The following KCNG3 variants were observed in gnomAD, a reference collection of about 807,000 sequenced individuals.
The protein encoded by KCNG3 is potassium voltage-gated channel modifier subfamily G member 3.
In KCNG3, 15 loss-of-function variants were observed where a neutral mutation model predicts 29.0. The observed-to-expected ratio is 0.52, with a 90% CI of 0.35 to 0.80. The LOEUF (loss-of-function observed/expected upper bound fraction) is 0.80, where lower values mean the gene tolerates loss of function less well. Among genes scored for constraint, KCNG3 ranks in the 30% least tolerant of loss-of-function variants. The pLI is 0.01. For missense variants in KCNG3, 512 were observed against 605.7 expected (o/e 0.85, Z 1.62); for synonymous variants, 322 against 248.9 (o/e 1.29, Z -2.76).
rs1672505154 is a variant in KCNG3, at chr2:42,442,384, C to T, written c.*1550G>A. On this transcript the variant is annotated 3_prime_UTR_variant, in exon 2 of 2. Coordinates refer to ENST00000306078, the MANE Select transcript of KCNG3 (RefSeq NM_133329.6). ...AACCCAGAGATGTGTGAAGATTAAC[C>T]TGCTGGGCTAGGTTTCTGGAGATCC... 1.3e-5 allele frequency: 2 copies of T among 152,192 alleles called. No individual in the cohort carries two copies. Among genetic ancestry groups the T allele is most frequent in the Non-Finnish European group, 2.9e-5 (2 of 68,040 alleles). 9.4% of individuals were successfully genotyped at this position (152,192 alleles called of 1,614,324 possible). A position where few individuals can be genotyped will look rare whatever the true frequency, so the allele number is the denominator to read the frequency against.
At position 42,451,967 on chromosome 2, in the gene KCNG3, T is replaced by A. The variant is rs538334144; in HGVS notation, c.666-7388A>T. Among the ~76,000 whole-genome samples the A allele has an allele frequency of 2.0e-5, 3 of 151,980 alleles. No homozygotes were observed. In the East Asian group the frequency reaches 5.8e-4, roughly 29 times the overall value. ...AAGAGTGAAAGGGCAACCTACAGAA[T>A]GGGAGATGATATTTGCAAGTCATTT... On this transcript the variant is annotated intron_variant, in intron 1 of 1. Coordinates refer to ENST00000306078, the MANE Select transcript of KCNG3 (RefSeq NM_133329.6).
At chr2:42,479,817 C>T (rs934151964) in intron 1 of KCNG3, among the ~76,000 whole-genome samples, 1 of 152,134 alleles carries the variant, frequency 6.6e-6, no homozygotes, top group Admixed American at 6.6e-5. Context: ...TCAAGACCTG[C>T]CTGGGCAACA....
At chr2:42,470,093 G>T in intron 1 of KCNG3, 1 of 480,538 alleles carries the variant, frequency 2.1e-6, no homozygotes. Context: ...AATTAAGAAA[G>T]CAGTTGCTGT....
the KCNG3 span, among the ~76,000 whole-genome samples, chr2:42,420,340 A>C: frequency 6.6e-6 from 1 of 152,360 alleles, no homozygotes; most frequent in East Asian, 1.9e-4. Context: ...CAAGTTACTT[A>C]ACTACCCTGA....
the KCNG3 span, among the ~76,000 whole-genome samples, chr2:42,425,426 A>G: frequency 6.7e-6 from 1 of 150,108 alleles, no homozygotes; most frequent in African/African-American, 2.5e-5. Flanking sequence ...AAATCAAATC[A>G]GGAATTATTT....
chr2:42,473,436 G>A (rs1330492172), intron 1 of KCNG3, among the ~76,000 whole-genome samples: 7 of 150,992 alleles, frequency 4.6e-5, no homozygotes, highest in Non-Finnish European at 8.8e-5. Context: ...TGCAACCTCC[G>A]CCTCCCAGGT....
the KCNG3 span, among the ~76,000 whole-genome samples, chr2:42,394,780 GACC>G: frequency 6.6e-6 from 1 of 152,148 alleles, no homozygotes; most frequent in Non-Finnish European, 1.5e-5. Context: ...GCTGTACTCT[GACC>G]ACCTTTGGCA....
At chr2:42,407,378 G>A in the KCNG3 span, among the ~76,000 whole-genome samples, 2 of 152,198 alleles carry the variant, frequency 1.3e-5, no homozygotes, top group Non-Finnish European at 2.9e-5. Context: ...ATGTTGCCCA[G>A]GCTGGTCTCG....
At chr2:42,408,366 G>A in the KCNG3 span, among the ~76,000 whole-genome samples, 34 of 152,270 alleles carry the variant, frequency 2.2e-4, no homozygotes, top group Non-Finnish European at 2.8e-4. Context: ...GCTCATGGCC[G>A]CTAATGGAGC....
At position 42,493,234 on chromosome 2, in the gene KCNG3, A is replaced by ACAT. The variant is rs1558393440; in HGVS notation, c.265_267dup (p.Met89dup). On this transcript the variant is annotated inframe_insertion, in exon 1 of 2. Coordinates refer to ENST00000306078, the MANE Select transcript of KCNG3 (RefSeq NM_133329.6). Reference sequence around the variant, plus strand: ...ATCTCGTTGTAGAAGGAGAGCTCGCACATCCGCGGCGCGAAGCGCAGCTTG... The same window carrying ACAT: ...ATCTCGTTGTAGAAGGAGAGCTCGCACATCATCCGCGGCGCGAAGCGCAGCTTG... The ACAT allele has an allele frequency of 6.2e-7, 1 of 1,611,848 alleles. No homozygotes were observed. Among genetic ancestry groups the ACAT allele is most frequent in the African/African-American group, 1.3e-5 (1 of 75,034 alleles).
At chr2:42,455,676 G>C (rs1302151478) in intron 1 of KCNG3, among the ~76,000 whole-genome samples, 1 of 152,098 alleles carries the variant, frequency 6.6e-6, no homozygotes. Context: ...GGCTGAAGTG[G>C]GAGGATCACT....
chr2:42,464,800 C>T (rs998352217), intron 1 of KCNG3, among the ~76,000 whole-genome samples: 1 of 152,164 alleles, frequency 6.6e-6, no homozygotes, highest in Non-Finnish European at 1.5e-5. Flanking sequence ...GATGTTCCTA[C>T]AGCAGTCAGT....
the KCNG3 span, among the ~76,000 whole-genome samples, chr2:42,432,934 T>TA: frequency 1.4e-3 from 183 of 132,736 alleles, 3 homozygotes; most frequent in Middle Eastern, 4.1e-3. Context: ...GCTTTTATGA[T>TA]AAAAAAAAAA....
chr2:42,465,160 T>C (rs891625384), intron 1 of KCNG3, among the ~76,000 whole-genome samples: 2 of 152,162 alleles, frequency 1.3e-5, no homozygotes, highest in African/African-American at 2.4e-5. Context: ...TAGTACTAAA[T>C]TTAAAAGTGA....
At chr2:42,459,456 C>A (rs1432481460) in intron 1 of KCNG3, among the ~76,000 whole-genome samples, 4 of 152,204 alleles carry the variant, frequency 2.6e-5, no homozygotes, top group Admixed American at 6.5e-5. Flanking sequence ...TGGCTTCAGT[C>A]TGAGTCTGTT....
rs1210863663 is a variant in KCNG3 at position 42,452,340 on chromosome 2, TA to T, written c.666-7762del. On this transcript the variant is annotated intron_variant, in intron 1 of 1. Transcript: ENST00000306078. ...AGCTCACTGCAGCCTCAAATTCACC[TA>T]AAGCATTTATCCTTTGTGTTACAAA... 8.6e-5 allele frequency among the ~76,000 whole-genome samples: 13 copies of T among 150,794 alleles called. No homozygotes were observed. In the East Asian group the frequency reaches 2.6e-3, roughly 30 times the overall value.
the KCNG3 span, among the ~76,000 whole-genome samples, chr2:42,408,978 T>C: frequency 6.6e-6 from 1 of 152,080 alleles, no homozygotes; most frequent in Non-Finnish European, 1.5e-5. Context: ...CTTGTGGTGG[T>C]ACCTGGTCCG....
chr2:42,481,133 T>C (rs1375413216), intron 1 of KCNG3, among the ~76,000 whole-genome samples: 1 of 152,182 alleles, frequency 6.6e-6, no homozygotes, highest in Non-Finnish European at 1.5e-5. Context: ...GCAGTGGGCC[T>C]GAGTTCGTCT....
the KCNG3 span, among the ~76,000 whole-genome samples, chr2:42,401,312 T>C: frequency 6.0e-5 from 9 of 150,312 alleles, no homozygotes; most frequent in African/African-American, 2.2e-4. Flanking sequence ...ACATTTAATA[T>C]CAAAATATAA....
Sources: gnomAD v4.1 joint callset for allele counts (sites outside exome capture counted in the v4.1 genomes callset) on GRCh38, gnomAD v4.1.1 for gene constraint, MANE v1.5 for transcripts, NCBI Gene and HGNC (gene_info 2026-07-23, HGNC 2026-07-21) for gene names.